Variants in KIF17 observed in about 807,000 individuals in gnomAD.
The protein encoded by KIF17 is kinesin-like protein KIF17.
In KIF17, 80 loss-of-function variants were observed where a neutral mutation model predicts 96.8. The ratio of observed to expected loss-of-function variants is 0.83; its 90% confidence interval spans 0.69 to 1.00. KIF17 has a LOEUF of 1.00. Among genes scored for constraint, KIF17 ranks in the 50% least tolerant of loss-of-function variants. The probability of loss-of-function intolerance (pLI) is 0.00; values close to 1 mark genes in which losing one functional copy is unlikely to be tolerated. For missense variants in KIF17, 1,280 were observed against 1,372.9 expected, an observed-to-expected ratio of 0.93 and a Z score of 1.07; for synonymous variants, 567 against 587.5, an observed-to-expected ratio of 0.97 and a Z score of 0.51.
rs2053662961 is a variant in KIF17, at chr1:20,672,367, C to G, written c.2464-171G>C. 2.0e-5 allele frequency among the ~76,000 whole-genome samples: 3 copies of G among 152,110 alleles called. No individual in the cohort carries two copies. Among genetic ancestry groups the G allele is most frequent in the African/African-American group, 4.8e-5 (2 of 41,418 alleles). ...TCCAGCCATCCTTCCCTCCATCCAT[C>G]CATCCACCTCCTCTCACACCCACTG... On this transcript the variant is annotated intron_variant, in intron 11 of 14. Transcript: ENST00000400463. This position sits in a 1 kb window ranked among gnomAD's most constrained non-coding sequence, Gnocchi z 4.3.
chr1:20,664,156 G>A lies in KIF17; in HGVS notation c.*428C>T, dbSNP rs573881589. The A allele has an allele frequency of 3.1e-6, 1 of 319,514 alleles. No individual in the cohort carries two copies. The highest frequency in any genetic ancestry group is 4.4e-5 in the Admixed American group (1 of 22,846). The allele number at this position is 319,514 out of a possible 1,614,324, so 19.8% of individuals were successfully genotyped here. ...GGGGCAGGGCAGTGCTTAGGAAGTG[G>A]GGCCAGTCAGACAGAGGCACAGTTC... On this transcript the variant is annotated 3_prime_UTR_variant, in exon 15 of 15. Transcript: ENST00000400463.
intron 2 of KIF17, among the ~76,000 whole-genome samples, chr1:20,714,618 G>A (rs1211992663): frequency 3.3e-5 from 5 of 151,914 alleles, no homozygotes; most frequent in Non-Finnish European, 5.9e-5. Context: ...CCAACATGGC[G>A]AAACTCCATC....
intron 14 of KIF17, 49 bp downstream of exon 14, chr1:20,666,165 G>A (rs766430267): frequency 5.2e-6 from 7 of 1,344,234 alleles, no homozygotes; most frequent in Non-Finnish European, 7.5e-6. Context: ...TCCCCTTCAC[G>A]CCTCTCCCAG....
At position 20,704,383 on chromosome 1, in the gene KIF17, C is replaced by T; in HGVS notation, c.1123+64G>A. On this transcript the variant is annotated intron_variant, in intron 5 of 14. Coordinates refer to ENST00000400463, the MANE Select transcript of KIF17 (RefSeq NM_001122819.3). This position sits in a 1 kb window ranked among gnomAD's most constrained non-coding sequence, Gnocchi z 6.8. ...AGGTGGGAAGTTGGAGGCGAGAAGACAGAGGGAAGGAAGCTTTCTCCTGGG... is the reference window on the plus strand; with the variant it reads ...AGGTGGGAAGTTGGAGGCGAGAAGATAGAGGGAAGGAAGCTTTCTCCTGGG... 7.4e-7 allele frequency: 1 copy of T among 1,357,718 alleles called. No individual in the cohort carries two copies. 84.1% of individuals were successfully genotyped at this position (1,357,718 alleles called of 1,614,324 possible).
rs1163754002 is a variant in KIF17, at chr1:20,713,464, T to C, written c.470A>G (p.Gln157Arg). The C allele has an allele frequency of 2.5e-6, 4 of 1,613,026 alleles. No homozygotes were observed. The highest frequency in any genetic ancestry group is 2.2e-5 in the South Asian group (2 of 91,050). Residue 157 changes from glutamine (Q) to arginine (R), a missense_variant, in exon 3 of 15, where the codon CAG becomes CGG. Transcript: ENST00000400463. ...TGGGTCTGCACCCACCTCCAGCTTC[T>C]GCTTGGTGTCAGCCCCAAGGAGGTC... is the stretch of plus-strand genomic sequence containing the variant. Reference protein sequence around the residue: ...VRDLLGADTKQKLELKEHPEK... With the variant: ...VRDLLGADTKRKLELKEHPEK...
At position 20,709,615 on chromosome 1, in the gene KIF17, G is replaced by A. The variant is rs1007356362; in HGVS notation, c.670+24C>T. ...GAGTGGCTGGGTCATCTGTCCCCCT[G>A]CCCCCAACAATGGCCTCGCATACCC... On this transcript the variant is annotated intron_variant, in intron 4 of 14. Transcript: ENST00000400463. This position sits in a 1 kb window ranked among gnomAD's most constrained non-coding sequence, Gnocchi z 4.7. 1.2e-6 allele frequency: 2 copies of A among 1,613,162 alleles called. No homozygotes were observed. The highest frequency in any genetic ancestry group is 2.7e-5 in the African/African-American group (2 of 74,882).
Position 20,715,650 on chromosome 1 carries a change from G to C in KIF17, c.232-11C>G, listed in dbSNP as rs1386605788. 2 of 1,613,754 alleles carry C rather than the reference G, an allele frequency of 1.2e-6. No individual in the cohort carries two copies. Among genetic ancestry groups the C allele is most frequent in the Non-Finnish European group, 1.7e-6 (2 of 1,180,026 alleles). On this transcript the variant is annotated splice_polypyrimidine_tract_variant and intron_variant, in intron 1 of 14. Transcript: ENST00000400463. ...GCCCTCAGTGACGCCCTGCATGGGA[G>C]GAAGGCAGGACCCCGTGCTCAGTGG... is the stretch of plus-strand genomic sequence containing the variant.
At position 20,664,663 on chromosome 1, in the gene KIF17, C is replaced by T. The variant is rs770268573; in HGVS notation, c.3008G>A (p.Arg1003His). 6 of 1,084,154 alleles carry T rather than the reference C, an allele frequency of 5.5e-6. No homozygotes were observed. The highest frequency in any genetic ancestry group is 2.8e-5 in the Admixed American group (1 of 36,296). The allele number at this position is 1,084,154 out of a possible 1,614,324, so 67.2% of individuals were successfully genotyped here. A position where few individuals can be genotyped will look rare whatever the true frequency, so the allele number is the denominator to read the frequency against. Residue 1003 changes from arginine to histidine, a missense_variant, in exon 15 of 15, where the codon CGC becomes CAC. By Grantham distance (29) the Arg-to-His change is conservative. Transcript: ENST00000400463. ...APEMPQPRPF[R>H]LESLDIPFTK... ...GAAAGGGATGTCGAGGGACTCGAGG[C>T]GGAAGGGCCGGGGCTGGGGCATTTC...
chr1:20,689,207 C>T (rs1403452001), intron 7 of KIF17, among the ~76,000 whole-genome samples: 1 of 152,156 alleles, frequency 6.6e-6, no homozygotes, highest in Non-Finnish European at 1.5e-5. Flanking sequence ...AATGTGCCAA[C>T]AAGCGGTACC....
intron 10 of KIF17, 139 bp from the exon 11 acceptor site, chr1:20,683,023 C>A: frequency 1.4e-6 from 1 of 699,414 alleles, no homozygotes; most frequent in Non-Finnish European, 2.4e-6. Flanking sequence ...AACCGAGGCT[C>A]GGCGACAGGA....
At position 20,700,544 on chromosome 1, in the gene KIF17, G is replaced by A. The variant is rs951712691; in HGVS notation, c.1124-2056C>T. ...CCTAGCAGATTTGGGGGCCCATCGA[G>A]TTGACAGTGGGATATGTTGGGTTTG... On this transcript the variant is annotated intron_variant, in intron 5 of 14. Transcript: ENST00000400463. This position sits in a 1 kb window ranked among gnomAD's most constrained non-coding sequence, Gnocchi z 4.6. Among the ~76,000 whole-genome samples, 1 of 152,218 alleles carries A rather than the reference G, an allele frequency of 6.6e-6. No individual in the cohort carries two copies. Among genetic ancestry groups the A allele is most frequent in the African/African-American group, 2.4e-5 (1 of 41,454 alleles).
In KIF17 at chr1:20,715,484, G is replaced by C; in HGVS notation, c.378+9C>G. The C allele has an allele frequency of 6.2e-7, 1 of 1,611,608 alleles. No individual in the cohort carries two copies. The highest frequency in any genetic ancestry group is 1.3e-5 in the African/African-American group (1 of 75,048). ...CTGGCCCTGCCCCTTCCCTCTGCGAGGCCCGTACCTGGACGCTCTCGAACA... is the reference window on the plus strand; with the variant it reads ...CTGGCCCTGCCCCTTCCCTCTGCGACGCCCGTACCTGGACGCTCTCGAACA... On this transcript the variant is annotated intron_variant, in intron 2 of 14. Transcript: ENST00000400463.
chr1:20,690,338 G>GC lies in KIF17; in HGVS notation c.1234-4_1234-3insG. The stretch of plus-strand genomic sequence containing the variant: ...CGGGCCAGGCGCTCTTCATACTCCT[G>GC]GGGGGGTGGGAGGGACCAGAGGGCA... On this transcript the variant is annotated splice_polypyrimidine_tract_variant and splice_region_variant and intron_variant, in intron 6 of 14. Coordinates refer to ENST00000400463, the MANE Select transcript of KIF17 (RefSeq NM_001122819.3). 6.3e-7 allele frequency: 1 copy of GC among 1,582,660 alleles called. No individual in the cohort carries two copies. The highest frequency in any genetic ancestry group is 8.6e-7 in the Non-Finnish European group (1 of 1,156,358).
In KIF17 at chr1:20,666,246, T is replaced by C. The variant is rs1304131327; in HGVS notation, c.2876A>G (p.Gln959Arg). The change falls in exon 14 of 15, where the codon CAG becomes CGG. Residue 959 changes from glutamine to arginine, a missense_variant. Physicochemically the swap from Gln to Arg is conservative, Grantham distance 43. Transcript: ENST00000400463. The stretch of plus-strand genomic sequence containing the variant: ...CTTCCTGGCGTCTGTGCTGAGGATC[T>C]GGCTGGCCCGCTTAGATCGGAAGTA... Reference protein sequence around the residue: ...SNYFRSKRASQILSTDARKSL... With the variant: ...SNYFRSKRASRILSTDARKSL... The C allele has an allele frequency of 6.2e-7, 1 of 1,614,072 alleles. No homozygotes were observed. The highest frequency in any genetic ancestry group is 1.7e-5 in the Admixed American group (1 of 60,012).
chr1:20,716,959 C>A (rs1474265481), intron 1 of KIF17, among the ~76,000 whole-genome samples: 1 of 152,160 alleles, frequency 6.6e-6, no homozygotes, highest in African/African-American at 2.4e-5. Flanking sequence ...GCCCACATGG[C>A]ATCTATGCCC....
intron 7 of KIF17, among the ~76,000 whole-genome samples, chr1:20,688,273 C>T (rs1202686923): frequency 6.6e-6 from 1 of 152,062 alleles, no homozygotes; most frequent in African/African-American, 2.4e-5. Flanking sequence ...TGGTCTCGAT[C>T]TCCTGACCTC....
chr1:20,682,618 G>A (rs2053848770), intron 11 of KIF17, 35 bp downstream of exon 11: 1 of 1,591,360 alleles, frequency 6.3e-7, no homozygotes. Context: ...CCATCTCTGG[G>A]CAGCTGGGCA....
intron 10 of KIF17, 101 bp from the exon 11 acceptor site, chr1:20,682,985 T>C (rs1278984515): frequency 4.1e-6 from 4 of 976,586 alleles, no homozygotes; most frequent in Non-Finnish European, 6.2e-6. Context: ...CCCAGATCCT[T>C]CCAACAACCC....
chr1:20,704,717 C>T lies in KIF17; in HGVS notation c.853G>A (p.Val285Ile), dbSNP rs777648602. ...SALVDGRCKHVPYRDSKLTRL... is the reference protein window; with the variant it reads ...SALVDGRCKHIPYRDSKLTRL... ...GTCAGCTTCGAGTCACGGTAGGGGA[C>T]GTGCTTACAGCGCCCGTCCACCAGC... Residue 285 changes from valine (V) to isoleucine (I), a missense_variant, in exon 5 of 15, where the codon GTC becomes ATC. By Grantham distance (29) the Val-to-Ile change is conservative (BLOSUM62 3). Coordinates refer to ENST00000400463, the MANE Select transcript of KIF17 (RefSeq NM_001122819.3). This position sits in a 1 kb window ranked among gnomAD's most constrained non-coding sequence, Gnocchi z 6.8. 3.2e-5 allele frequency: 51 copies of T among 1,613,600 alleles called. No individual in the cohort carries two copies. Among genetic ancestry groups the T allele is most frequent in the Non-Finnish European group, 3.4e-5 (40 of 1,179,736 alleles).
Sources: gnomAD v4.1 joint callset for allele counts (sites outside exome capture counted in the v4.1 genomes callset) on GRCh38, gnomAD v4.1.1 for gene constraint, Gnocchi (gnomAD v3.1) non-coding constraint, MANE v1.5 for transcripts, NCBI Gene and HGNC (gene_info 2026-07-23, HGNC 2026-07-21) for gene names.